ZNF148: variants seen among roughly 807,000 people sequenced by gnomAD.
ZNF148 encodes the protein Beta-Enolase Repressor Factor-1.
In ZNF148, 7 loss-of-function variants were observed where a neutral mutation model predicts 67.7. That is an observed-to-expected ratio of 0.10 (90% CI 0.06 to 0.19). The LOEUF is 0.19. Ranked by LOEUF, ZNF148 falls within the 10% of genes least tolerant of loss-of-function variation. The pLI is 1.00. For synonymous variants in ZNF148, 333 were observed against 330.7 expected, an observed-to-expected ratio of 1.01 and a Z score of -0.08; for missense variants, 583 against 947.1, an observed-to-expected ratio of 0.62 and a Z score of 5.05.
intron 4 of ZNF148, among the ~76,000 whole-genome samples, chr3:125,307,506 T>C (rs1002693137): frequency 6.6e-6 from 1 of 152,078 alleles, no homozygotes; most frequent in Non-Finnish European, 1.5e-5. Flanking sequence ...GGGTTTCACC[T>C]TGTTAGCCAG....
chr3:125,248,485 C>T (rs1194428938), intron 7 of ZNF148, among the ~76,000 whole-genome samples: 3 of 152,182 alleles, frequency 2.0e-5, no homozygotes, highest in Non-Finnish European at 4.4e-5. Context: ...TAAAAATGCA[C>T]ATCGGCTTTC....
intron 7 of ZNF148, among the ~76,000 whole-genome samples, chr3:125,276,773 C>T (rs983891195): frequency 6.6e-6 from 1 of 151,952 alleles, no homozygotes; most frequent in African/African-American, 2.4e-5. Context: ...CACATTCAGG[C>T]TTCTTTTTGG....
chr3:125,354,340 G>GA (rs1180690374), intron 1 of ZNF148, among the ~76,000 whole-genome samples: 4 of 151,536 alleles, frequency 2.6e-5, no homozygotes, highest in Non-Finnish European at 5.9e-5. Flanking sequence ...TTGTTTTTAG[G>GA]AAAAAAAATT....
chr3:125,274,921 C>T (rs1278765664), intron 7 of ZNF148, among the ~76,000 whole-genome samples: 1 of 152,078 alleles, frequency 6.6e-6, no homozygotes, highest in Admixed American at 6.6e-5. Context: ...TAAGGGCCTA[C>T]AAATAAAGAA....
intron 7 of ZNF148, among the ~76,000 whole-genome samples, chr3:125,252,851 GAATGT>G (rs948675079): frequency 6.6e-6 from 1 of 151,682 alleles, no homozygotes; most frequent in African/African-American, 2.4e-5. Context: ...TACATCAAGT[GAATGT>G]AATATATGTA....
chr3:125,243,131 A>G (rs773676195), intron 7 of ZNF148, among the ~76,000 whole-genome samples: 9 of 152,180 alleles, frequency 5.9e-5, no homozygotes, highest in Non-Finnish European at 2.9e-5. Flanking sequence ...AAGAAAAAAG[A>G]TACGCCTTCC....
intron 1 of ZNF148, among the ~76,000 whole-genome samples, chr3:125,374,788 G>C (rs536061560): frequency 6.6e-6 from 1 of 151,750 alleles, no homozygotes; most frequent in African/African-American, 2.4e-5. Flanking sequence ...CGGCCTCCCC[G>C]TGCAAACATC....
chr3:125,371,676 A>T (rs1413713054), intron 1 of ZNF148, among the ~76,000 whole-genome samples: 1 of 151,130 alleles, frequency 6.6e-6, no homozygotes, highest in Non-Finnish European at 1.5e-5. Context: ...AAAAAAAAAA[A>T]GAATTGCCAC....
chr3:125,354,709 CCTAAG>C (rs1407108880), intron 1 of ZNF148, among the ~76,000 whole-genome samples: 4 of 152,286 alleles, frequency 2.6e-5, no homozygotes, highest in African/African-American at 7.2e-5. Context: ...CAAAATTTTG[CCTAAG>C]CTATCATAAC....
At chr3:125,347,320 G>T (rs1404375742) in intron 1 of ZNF148, among the ~76,000 whole-genome samples, 3 of 152,142 alleles carry the variant, frequency 2.0e-5, no homozygotes, top group Admixed American at 6.5e-5. Context: ...TTTCTTTGCA[G>T]AAATGGACAA....
chr3:125,268,732 C>G (rs535417271), intron 7 of ZNF148, among the ~76,000 whole-genome samples: 6 of 152,232 alleles, frequency 3.9e-5, no homozygotes, highest in African/African-American at 1.4e-4. Flanking sequence ...GCAATCCTAG[C>G]ACTTTGGGAG....
chr3:125,233,952 G>C lies in ZNF148; in HGVS notation c.787-13C>G, dbSNP rs776994475. 1.3e-5 allele frequency: 21 copies of C among 1,571,324 alleles called. No individual in the cohort carries two copies. The highest frequency in any genetic ancestry group is 1.8e-5 in the Non-Finnish European group (21 of 1,165,062). On this transcript the variant is annotated splice_polypyrimidine_tract_variant and intron_variant, in intron 8 of 8. Coordinates refer to ENST00000360647, the MANE Select transcript of ZNF148 (RefSeq NM_021964.3). The surrounding 1 kb of genome is among the most constrained non-coding windows in gnomAD (Gnocchi z 5.1). Reference sequence around the variant, plus strand: ...TTCTGGAAAAATACTGTTGAATTCAGAGGATGGTAGTGGGTTGTTTGTGGT... The same window carrying C: ...TTCTGGAAAAATACTGTTGAATTCACAGGATGGTAGTGGGTTGTTTGTGGT...
chr3:125,296,421 C>A (rs1939289213), intron 4 of ZNF148, among the ~76,000 whole-genome samples: 1 of 152,296 alleles, frequency 6.6e-6, no homozygotes, highest in East Asian at 1.9e-4. Context: ...CCATGCCCAG[C>A]CAATGCTATT....
At chr3:125,340,612 A>C (rs1021821236) in intron 1 of ZNF148, among the ~76,000 whole-genome samples, 11 of 152,306 alleles carry the variant, frequency 7.2e-5, no homozygotes, top group African/African-American at 2.4e-4. Context: ...GTCTCTAAAA[A>C]TTAAACTGCC....
intron 4 of ZNF148, among the ~76,000 whole-genome samples, chr3:125,294,050 C>A (rs945370197): frequency 1.3e-5 from 2 of 152,160 alleles, no homozygotes; most frequent in African/African-American, 4.8e-5. Flanking sequence ...TTATGTGCCC[C>A]CGATATGATG....
chr3:125,286,070 T>C (rs148498228), intron 5 of ZNF148, among the ~76,000 whole-genome samples: 1 of 152,254 alleles, frequency 6.6e-6, no homozygotes, highest in African/African-American at 2.4e-5. Context: ...AGATACCCCA[T>C]AGATCAGCAA....
chr3:125,357,269 G>GCCTCCT (rs796624857), intron 1 of ZNF148: 29 of 153,394 alleles, frequency 1.9e-4, no homozygotes, highest in African/African-American at 5.3e-4. Flanking sequence ...GCGCCCCTCC[G>GCCTCCT]CCTCCTCCTC....
chr3:125,328,586 T>C (rs914843359), intron 2 of ZNF148, among the ~76,000 whole-genome samples: 1 of 151,654 alleles, frequency 6.6e-6, no homozygotes, highest in Non-Finnish European at 1.5e-5. Context: ...TATGTATGTG[T>C]CAAGCAAAAA....
At chr3:125,298,792 T>A (rs998432287) in intron 4 of ZNF148, among the ~76,000 whole-genome samples, 1 of 150,614 alleles carries the variant, frequency 6.6e-6, no homozygotes, top group South Asian at 2.1e-4. Flanking sequence ...GCCCAGCTAA[T>A]TTTTTTTTGT....
Sources: gnomAD v4.1 joint callset for allele counts (sites outside exome capture counted in the v4.1 genomes callset) on GRCh38, gnomAD v4.1.1 for gene constraint, Gnocchi (gnomAD v3.1) non-coding constraint, MANE v1.5 for transcripts, NCBI Gene and HGNC (gene_info 2026-07-23, HGNC 2026-07-21) for gene names.